Variants in FAM210A observed in about 807,000 individuals in gnomAD.
FAM210A encodes family with sequence similarity 210 member A.
FAM210A carries 13 observed loss-of-function variants against 25.3 expected under a neutral mutation model. That is an observed-to-expected ratio of 0.51 (90% confidence interval 0.33 to 0.82). The LOEUF (loss-of-function observed/expected upper bound fraction) is 0.82. Among genes scored for constraint, FAM210A ranks in the 40% least tolerant of loss-of-function variants. FAM210A has a pLI of 0.02. For missense variants in FAM210A, 319 were observed against 323.2 expected, an observed-to-expected ratio of 0.99 and a Z score of 0.10; for synonymous variants, 125 against 118.7, an observed-to-expected ratio of 1.05 and a Z score of -0.35.
intron 3 of FAM210A, among the ~76,000 whole-genome samples, chr18:13,668,596 G>A (rs992600055): frequency 3.9e-5 from 6 of 152,152 alleles, no homozygotes; most frequent in African/African-American, 1.4e-4. Context: ...TGGGGATACG[G>A]TCTGAGAAAT....
At chr18:13,668,345 T>C (rs34730180) in intron 3 of FAM210A, among the ~76,000 whole-genome samples, 38,147 of 151,996 alleles carry the variant, frequency 0.25, 5,465 homozygotes, top group Non-Finnish European at 0.33. Context: ...TCATGGCGGC[T>C]TCTCATTTTT....
chr18:13,725,930 G>A (rs1292082189), intron 1 of FAM210A, among the ~76,000 whole-genome samples: 2 of 152,204 alleles, frequency 1.3e-5, no homozygotes, highest in Admixed American at 6.5e-5. Context: ...ACGGCGGTAA[G>A]GACCAGTCTG....
Position 13,707,938 on chromosome 18 carries a change from C to T in FAM210A, c.-29+18391G>A, listed in dbSNP as rs114381921. On this transcript the variant is annotated intron_variant, in intron 1 of 3. Coordinates refer to ENST00000651643, the MANE Select transcript of FAM210A (RefSeq NM_152352.4). ...TAAATCTTCTTCCACCACATGGCTG[C>T]GCAGGAGTCTCTCTGAATCTGCTGG... 8.2e-3 allele frequency among the ~76,000 whole-genome samples: 1,255 copies of T among 152,204 alleles called. 22 individuals are homozygous for T. The highest frequency in any genetic ancestry group is 0.029 in the African/African-American group (1,212 of 41,518).
intron 2 of FAM210A, among the ~76,000 whole-genome samples, chr18:13,672,447 T>A (rs947793342): frequency 2.6e-5 from 4 of 152,206 alleles, no homozygotes; most frequent in African/African-American, 9.7e-5. Context: ...TCTTGTTCTG[T>A]TGCCAGGCTG....
intron 1 of FAM210A, among the ~76,000 whole-genome samples, chr18:13,706,447 C>T (rs1336655896): frequency 1.3e-5 from 2 of 152,080 alleles, no homozygotes; most frequent in Non-Finnish European, 2.9e-5. Flanking sequence ...CTTATACCTT[C>T]ATAGATAAAA....
At chr18:13,698,788 A>T (rs2043716149) in intron 1 of FAM210A, among the ~76,000 whole-genome samples, 2 of 152,172 alleles carry the variant, frequency 1.3e-5, no homozygotes, top group Admixed American at 6.5e-5. Context: ...TCTTATCGAT[A>T]TCCTCCGGGG....
At chr18:13,706,080 T>C (rs1407350399) in intron 1 of FAM210A, among the ~76,000 whole-genome samples, 1 of 152,224 alleles carries the variant, frequency 6.6e-6, no homozygotes, top group Non-Finnish European at 1.5e-5. Context: ...AAGATTGTCC[T>C]TGCTATCCAT....
intron 1 of FAM210A, among the ~76,000 whole-genome samples, chr18:13,682,429 G>T (rs1222265375): frequency 2.7e-5 from 4 of 150,884 alleles, no homozygotes; most frequent in Non-Finnish European, 5.9e-5. Context: ...TTAGCCAGGT[G>T]TGGTGGTGGG....
At position 13,676,389 on chromosome 18, in the gene FAM210A, T is replaced by C. The variant is rs548627328; in HGVS notation, c.474-4416A>G. The stretch of plus-strand genomic sequence containing the variant: ...CCAGTTTCCTGATTATTAACACTCC[T>C]GAGCCCTGGCTTCTTTATTTCCAGT... On this transcript the variant is annotated intron_variant, in intron 2 of 3. Coordinates refer to ENST00000651643, the MANE Select transcript of FAM210A (RefSeq NM_152352.4). Among the ~76,000 whole-genome samples the C allele has an allele frequency of 3.0e-5, 4 of 133,888 alleles. No homozygotes were observed. In the South Asian group the frequency reaches 9.5e-4, roughly 32 times the overall value. The allele number at this position is 133,888 out of a possible 152,430, so 87.8% of individuals were successfully genotyped here. A position where few individuals can be genotyped will look rare whatever the true frequency, so the allele number is the denominator to read the frequency against.
chr18:13,666,466 CTA>C lies in FAM210A; in HGVS notation c.*12_*13del. On this transcript the variant is annotated 3_prime_UTR_variant, in exon 4 of 4. Coordinates refer to ENST00000651643, the MANE Select transcript of FAM210A (RefSeq NM_152352.4). ...TAAAGTGCAGGAATTTTCTATACTG[CTA>C]TATAAGGCACCTTATTCCACTTTTT... 1 of 1,598,170 alleles carries C rather than the reference CTA, an allele frequency of 6.3e-7. No individual in the cohort carries two copies. The highest frequency in any genetic ancestry group is 8.6e-7 in the Non-Finnish European group (1 of 1,166,736).
At chr18:13,689,176 T>C (rs1004214168) in intron 1 of FAM210A, among the ~76,000 whole-genome samples, 1 of 152,220 alleles carries the variant, frequency 6.6e-6, no homozygotes, top group Non-Finnish European at 1.5e-5. Flanking sequence ...GGGCACTAAC[T>C]AAAACCTCAC....
chr18:13,670,357 C>T (rs960331563), intron 3 of FAM210A, among the ~76,000 whole-genome samples: 17 of 152,096 alleles, frequency 1.1e-4, no homozygotes, highest in Non-Finnish European at 2.2e-4. Context: ...ATTTAATACA[C>T]TTTAATGTAG....
chr18:13,712,525 C>T lies in FAM210A; in HGVS notation c.-29+13804G>A, dbSNP rs576257417. ...TTATGACATTAGGAGGTAGGGCTTT[C>T]GGGGAGGTGATTAGGTCATGAGGGC... On this transcript the variant is annotated intron_variant, in intron 1 of 3. Transcript: ENST00000651643. 1.1e-4 allele frequency among the ~76,000 whole-genome samples: 17 copies of T among 152,058 alleles called. No individual in the cohort carries two copies. The East Asian group carries it at 2.7e-3, about 24-fold the overall frequency.
chr18:13,691,691 C>G (rs2043645900), intron 1 of FAM210A, among the ~76,000 whole-genome samples: 1 of 150,028 alleles, frequency 6.7e-6, no homozygotes, highest in Non-Finnish European at 1.5e-5. Context: ...ACTTTACAGA[C>G]AAGCAAATGC....
At chr18:13,720,942 G>A (rs1225081095) in intron 1 of FAM210A, among the ~76,000 whole-genome samples, 1 of 152,172 alleles carries the variant, frequency 6.6e-6, no homozygotes, top group African/African-American at 2.4e-5. Flanking sequence ...TTCTCCCTGT[G>A]TGAATGTCTG....
intron 1 of FAM210A, among the ~76,000 whole-genome samples, chr18:13,695,716 G>C (rs1308820664): frequency 6.7e-6 from 1 of 149,904 alleles, no homozygotes; most frequent in Non-Finnish European, 1.5e-5. Flanking sequence ...GCCTGCGGTG[G>C]GTGGGGGGAG....
chr18:13,717,499 G>A (rs1194732605), intron 1 of FAM210A, among the ~76,000 whole-genome samples: 1 of 152,130 alleles, frequency 6.6e-6, no homozygotes, highest in African/African-American at 2.4e-5. Context: ...AGGGTTTGCA[G>A]AATTACTCGA....
At chr18:13,675,041 C>T (rs2043480890) in intron 2 of FAM210A, among the ~76,000 whole-genome samples, 2 of 88,420 alleles carry the variant, frequency 2.3e-5, no homozygotes, top group Admixed American at 1.3e-4. Flanking sequence ...TCTTTATTTC[C>T]TGTTTCCTGA....
chr18:13,706,356 G>GGGC (rs969261332), intron 1 of FAM210A, among the ~76,000 whole-genome samples: 9 of 150,950 alleles, frequency 6.0e-5, no homozygotes, highest in African/African-American at 2.0e-4. Flanking sequence ...TGAAAATGGG[G>GGGC]GGGGGTCGTC....
Sources: allele counts gnomAD v4.1 joint callset (sites outside exome capture counted in the v4.1 genomes callset), GRCh38; gene constraint gnomAD v4.1.1; transcripts MANE v1.5; gene names NCBI Gene and HGNC (gene_info 2026-07-23, HGNC 2026-07-21).